Variants in THOC2 observed in about 807,000 individuals in gnomAD.
The protein encoded by THOC2 is THO complex subunit 2, also known as THO complex 2.
Under a neutral mutation model 128.4 loss-of-function variants are expected in THOC2, and 10 were observed. That is an observed-to-expected ratio of 0.08 (90% confidence interval 0.05 to 0.13). The LOEUF (loss-of-function observed/expected upper bound fraction) is 0.13. THOC2 is among the 10% of genes least tolerant of loss of function. The probability of loss-of-function intolerance (pLI) is 1.00; values close to 1 mark genes in which losing one functional copy is unlikely to be tolerated. For synonymous variants in THOC2, 393 were observed against 396.9 expected (o/e 0.99, Z 0.12); for missense variants, 535 against 1,155.7 (o/e 0.46, Z 7.79).
chrX:123,728,602 A>G (rs962360679), intron 1 of THOC2, among the ~76,000 whole-genome samples: 1 of 111,610 alleles, frequency 9.0e-6, no homozygotes, highest in Non-Finnish European at 1.9e-5. Context: ...TCTTAGAATG[A>G]TTATATCCCT....
chrX:123,629,066 T>G (rs902252859), intron 22 of THOC2, among the ~76,000 whole-genome samples: 1 of 109,286 alleles, frequency 9.2e-6, no homozygotes, highest in Non-Finnish European at 1.9e-5. Context: ...AAAAAATTGT[T>G]AGTACAATGG....
intron 1 of THOC2, among the ~76,000 whole-genome samples, chrX:123,721,590 A>G (rs1177403345): frequency 9.3e-6 from 1 of 107,689 alleles, no homozygotes; most frequent in Non-Finnish European, 1.9e-5. Context: ...GTTCAAGACC[A>G]GTCTGACCAA....
chrX:123,715,724 G>T (rs965954791), intron 1 of THOC2, among the ~76,000 whole-genome samples: 1 of 104,747 alleles, frequency 9.5e-6, no homozygotes, highest in Non-Finnish European at 1.9e-5. Context: ...TGTTGAGGCT[G>T]CAGTGAGCCA....
chrX:123,633,631 T>G (rs2047565754), intron 20 of THOC2, among the ~76,000 whole-genome samples: 1 of 111,582 alleles, frequency 9.0e-6, no homozygotes, highest in African/African-American at 3.3e-5. Flanking sequence ...CTCGAACTCC[T>G]GACCTCAGGT....
At chrX:123,611,310 G>T in intron 37 of THOC2, 130 bp downstream of exon 37, 1 of 491,802 alleles carries the variant, frequency 2.0e-6, no homozygotes, top group Non-Finnish European at 3.2e-6. Flanking sequence ...AGAGTTAACT[G>T]GAAAGACCAT....
chrX:123,627,238 G>T (rs1290438339), intron 23 of THOC2, among the ~76,000 whole-genome samples: 2 of 111,775 alleles, frequency 1.8e-5, no homozygotes, highest in Non-Finnish European at 3.8e-5. Context: ...ACATGAAAGT[G>T]AATCAGTAAA....
At chrX:123,674,845 C>T (rs5956566) in intron 8 of THOC2, among the ~76,000 whole-genome samples, 39,501 of 110,138 alleles carry the variant, frequency 0.36, 5,384 homozygotes, top group East Asian at 0.67. Context: ...CCCCTCCCCA[C>T]CTATTGTTAG....
intron 8 of THOC2, among the ~76,000 whole-genome samples, chrX:123,683,947 G>A (rs1206569511): frequency 2.7e-5 from 3 of 110,235 alleles, no homozygotes; most frequent in East Asian, 5.7e-4. Flanking sequence ...ATTACATAGA[G>A]CAATATGAGG....
At chrX:123,678,946 T>C (rs1194628577) in intron 8 of THOC2, among the ~76,000 whole-genome samples, 1 of 110,780 alleles carries the variant, frequency 9.0e-6, no homozygotes, top group Non-Finnish European at 1.9e-5. Context: ...TATGATAAAC[T>C]CTCTATCCTC....
chrX:123,675,612 C>A (rs1254042246), intron 8 of THOC2, among the ~76,000 whole-genome samples: 7 of 107,280 alleles, frequency 6.5e-5, no homozygotes, highest in Non-Finnish European at 7.7e-5. Context: ...CACTGCACTT[C>A]AGCCTGGGTG....
At chrX:123,731,507 T>C (rs1053260035) in intron 1 of THOC2, among the ~76,000 whole-genome samples, 17 of 112,156 alleles carry the variant, frequency 1.5e-4, no homozygotes, top group African/African-American at 5.5e-4. Context: ...GTTGGAATAA[T>C]ATTACTTTTA....
intron 18 of THOC2, among the ~76,000 whole-genome samples, chrX:123,636,766 G>A (rs1444131057): frequency 8.9e-6 from 1 of 111,888 alleles, no homozygotes; most frequent in Non-Finnish European, 1.9e-5. Flanking sequence ...GCCAATACAA[G>A]AGTAGGAGAT....
At chrX:123,657,540 G>C (rs778701877) in intron 12 of THOC2, among the ~76,000 whole-genome samples, 32 of 110,778 alleles carry the variant, frequency 2.9e-4, no homozygotes, top group African/African-American at 8.8e-4. Context: ...TGCTGGGTGT[G>C]GGGGAGAACA....
rs1220056045 is a variant in THOC2, at chrX:123,667,095, A to C, written c.1190+11T>G. On this transcript the variant is annotated intron_variant, in intron 11 of 38. Transcript: ENST00000245838. ...CTACCTCAATGATTAATAAAGTATA[A>C]AGTTACATACCTTCGGTAGAGAGGC... 8.8e-7 allele frequency: 1 copy of C among 1,141,226 alleles called. No individual in the cohort carries two copies. The highest frequency in any genetic ancestry group is 1.2e-6 in the Non-Finnish European group (1 of 853,553). 94.0% of individuals were successfully genotyped at this position (1,141,226 alleles called of 1,213,427 possible).
chrX:123,702,418 G>GT (rs1260786308), intron 4 of THOC2, among the ~76,000 whole-genome samples: 3 of 108,484 alleles, frequency 2.8e-5, no homozygotes, highest in Non-Finnish European at 5.7e-5. Flanking sequence ...TGGGCAGATC[G>GT]TTTGAGCCCA....
rs756989283 is a variant in THOC2, at chrX:123,657,531, G to T, written c.1386+8111C>A. Among the ~76,000 whole-genome samples the T allele has an allele frequency of 3.2e-4, 35 of 110,966 alleles. No homozygotes were observed. In the East Asian group the frequency reaches 9.0e-3, roughly 28 times the overall value. ...AGAAAAAGAAAAAATCCTAAAAGAT[G>T]CTGGGTGTGGGGGAGAACACCTTGC... On this transcript the variant is annotated intron_variant, in intron 12 of 38. Coordinates refer to ENST00000245838, the MANE Select transcript of THOC2 (RefSeq NM_001081550.2).
chrX:123,642,194 G>A, intron 15 of THOC2, among the ~76,000 whole-genome samples: 1 of 111,817 alleles, frequency 8.9e-6, no homozygotes, highest in Non-Finnish European at 1.9e-5. Flanking sequence ...GGGAGGCCAA[G>A]GCGGGTGAAT....
chrX:123,648,924 G>C (rs1190220086), intron 12 of THOC2, among the ~76,000 whole-genome samples: 1 of 112,184 alleles, frequency 8.9e-6, no homozygotes, highest in Non-Finnish European at 1.9e-5. Context: ...TGCCAGCTCT[G>C]AAGAGGGCAG....
chrX:123,667,876 T>G (rs1426688120), intron 10 of THOC2, among the ~76,000 whole-genome samples: 1 of 111,327 alleles, frequency 9.0e-6, no homozygotes, highest in African/African-American at 3.3e-5. Context: ...TCTTTAGGAT[T>G]TGAGGGCCAC....
Sources: gnomAD v4.1 joint callset for allele counts (sites outside exome capture counted in the v4.1 genomes callset) on GRCh38, gnomAD v4.1.1 for gene constraint, MANE v1.5 for transcripts, NCBI Gene and HGNC (gene_info 2026-07-23, HGNC 2026-07-21) for gene names.